ANO6: variants seen among roughly 807,000 people sequenced by gnomAD.
The protein encoded by ANO6 is anoctamin 6, also known as anoctamin-6.
Under a neutral mutation model 117.5 loss-of-function variants are expected in ANO6, and 106 were observed. That is an observed-to-expected ratio of 0.90 (90% confidence interval 0.77 to 1.06). The LOEUF is 1.06. ANO6 is among the 50% of genes least tolerant of loss of function. The pLI is 0.00. For synonymous variants in ANO6, 367 were observed against 385.1 expected, an observed-to-expected ratio of 0.95 and a Z score of 0.55; for missense variants, 955 against 1,121.1, an observed-to-expected ratio of 0.85 and a Z score of 2.12.
intron 2 of ANO6, among the ~76,000 whole-genome samples, chr12:45,330,974 A>T (rs753311414): frequency 6.6e-6 from 1 of 151,812 alleles, no homozygotes; most frequent in African/African-American, 2.4e-5. Flanking sequence ...TTTTTTTACT[A>T]TGTTCGTTTT....
chr12:45,393,025 A>C (rs959271728), intron 12 of ANO6, among the ~76,000 whole-genome samples: 1 of 152,210 alleles, frequency 6.6e-6, no homozygotes, highest in Non-Finnish European at 1.5e-5. Context: ...AGGCTTCAGA[A>C]GGTCGGTAAT....
chr12:45,348,148 T>C lies in ANO6; in HGVS notation c.466T>C (p.Ser156Pro), dbSNP rs1431886586. ...LKPNDLKNRS[S>P]AFGTLNWFTK... ...ACCCAATGATCTGAAAAACCGGTCCTCAGCCTTTGGTACACTCAACTGGTT... is the reference window on the plus strand; with the variant it reads ...ACCCAATGATCTGAAAAACCGGTCCCCAGCCTTTGGTACACTCAACTGGTT... Residue 156 changes from serine (S) to proline (P), a missense_variant, in exon 5 of 20, where the codon TCA becomes CCA. Coordinates refer to ENST00000320560, the MANE Select transcript of ANO6 (RefSeq NM_001025356.3). 3 of 1,614,146 alleles carry C rather than the reference T, an allele frequency of 1.9e-6. No homozygotes were observed. Among genetic ancestry groups the C allele is most frequent in the Non-Finnish European group, 2.5e-6 (3 of 1,180,002 alleles).
chr12:45,348,492 C>T, intron 5 of ANO6, 26 bp from the exon 6 acceptor site: 1 of 1,581,454 alleles, frequency 6.3e-7, no homozygotes, highest in Non-Finnish European at 8.7e-7. Context: ...ATATAAACCG[C>T]ATACTCTATT....
chr12:45,433,485 G>T (rs1047324313), downstream of ANO6, among the ~76,000 whole-genome samples: 4 of 152,188 alleles, frequency 2.6e-5, no homozygotes, highest in African/African-American at 9.7e-5. Flanking sequence ...CATGATGACA[G>T]ATAAATCCTG....
At position 45,357,319 on chromosome 12, in the gene ANO6, A is replaced by G. The variant is rs569930058; in HGVS notation, c.893A>G (p.Tyr298Cys). 1 of 1,614,010 alleles carries G rather than the reference A, an allele frequency of 6.2e-7. No individual in the cohort carries two copies. ...TACTATGGAGAGAAGATTGGAATCTACTTTGCTTGGCTGGGCTATTACACT... is the reference window on the plus strand; with the variant it reads ...TACTATGGAGAGAAGATTGGAATCTGCTTTGCTTGGCTGGGCTATTACACT... Reference protein sequence around the residue: ...RKYYGEKIGIYFAWLGYYTQM... With the variant: ...RKYYGEKIGICFAWLGYYTQM... Residue 298 changes from tyrosine (Y) to cysteine (C), a missense_variant, in exon 8 of 20, where the codon TAC becomes TGC. Tyr to Cys is a radical substitution (Grantham distance 194). Coordinates refer to ENST00000320560, the MANE Select transcript of ANO6 (RefSeq NM_001025356.3).
At chr12:45,355,348 A>C (rs993514013) in intron 7 of ANO6, among the ~76,000 whole-genome samples, 1 of 152,122 alleles carries the variant, frequency 6.6e-6, no homozygotes, top group South Asian at 2.1e-4. Flanking sequence ...CCTTGCCTAC[A>C]ATGTAACAGG....
intron 12 of ANO6, among the ~76,000 whole-genome samples, chr12:45,396,816 C>A (rs1942627853): frequency 6.6e-6 from 1 of 152,192 alleles, no homozygotes; most frequent in Non-Finnish European, 1.5e-5. Flanking sequence ...CTTCCTTACA[C>A]CTTGTACAAA....
At chr12:45,424,751 G>T (rs1477596607) in intron 19 of ANO6, among the ~76,000 whole-genome samples, 1 of 152,158 alleles carries the variant, frequency 6.6e-6, no homozygotes, top group Non-Finnish European at 1.5e-5. Context: ...AGGAGACCAT[G>T]CCTTGGGTCA....
chr12:45,418,869 T>G (rs1323903225), intron 17 of ANO6, among the ~76,000 whole-genome samples: 1 of 152,230 alleles, frequency 6.6e-6, no homozygotes, highest in Non-Finnish European at 1.5e-5. Flanking sequence ...GGGCAATCCC[T>G]TTTTCCATAT....
At chr12:45,296,818 A>T (rs1384656338) in intron 1 of ANO6, among the ~76,000 whole-genome samples, 1 of 152,222 alleles carries the variant, frequency 6.6e-6, no homozygotes, top group Non-Finnish European at 1.5e-5. Flanking sequence ...ACGAGGGACA[A>T]AAATAGGATT....
At chr12:45,380,391 T>C (rs55708540) in intron 10 of ANO6, among the ~76,000 whole-genome samples, 4,926 of 152,290 alleles carry the variant, frequency 0.032, 248 homozygotes, top group African/African-American at 0.11. Context: ...GGCCTACTTA[T>C]TTCCAGAAAA....
chr12:45,374,011 T>C (rs1264169140), intron 9 of ANO6, among the ~76,000 whole-genome samples: 1 of 151,748 alleles, frequency 6.6e-6, no homozygotes, highest in Admixed American at 6.6e-5. Flanking sequence ...TAAAAAATGA[T>C]AAAGGGGATA....
intron 1 of ANO6, chr12:45,228,291 CTTTTTTTTT>C: frequency 6.0e-6 from 1 of 166,830 alleles, no homozygotes; most frequent in Non-Finnish European, 1.1e-5. Flanking sequence ...CCAGGCCCTC[CTTTTTTTTT>C]TTTTTTTTTT....
intron 2 of ANO6, among the ~76,000 whole-genome samples, chr12:45,303,512 C>T (rs535985594): frequency 8.5e-5 from 13 of 152,214 alleles, no homozygotes; most frequent in African/African-American, 2.9e-4. Context: ...GGTGTTGGTG[C>T]GCCTGGTAAA....
intron 1 of ANO6, among the ~76,000 whole-genome samples, chr12:45,218,553 C>G (rs1005215870): frequency 2.6e-5 from 4 of 151,952 alleles, no homozygotes; most frequent in African/African-American, 9.7e-5. Flanking sequence ...ACCATATCCA[C>G]CTAGTTGGTT....
rs761009669 is a variant in ANO6, at chr12:45,429,357, A to G, written c.*46A>G. Reference sequence around the variant, plus strand: ...CACTTTAAGGAATTTAGCTTTGTCAAAATATATTAGGAATCACTAATGAGA... The same window carrying G: ...CACTTTAAGGAATTTAGCTTTGTCAGAATATATTAGGAATCACTAATGAGA... On this transcript the variant is annotated 3_prime_UTR_variant, in exon 20 of 20. Coordinates refer to ENST00000320560, the MANE Select transcript of ANO6 (RefSeq NM_001025356.3). The G allele has an allele frequency of 7.5e-6, 12 of 1,595,342 alleles. No homozygotes were observed. The African/African-American group carries it at 1.5e-4, about 20-fold the overall frequency.
chr12:45,225,851 C>T (rs1947474654), intron 1 of ANO6, among the ~76,000 whole-genome samples: 1 of 152,166 alleles, frequency 6.6e-6, no homozygotes, highest in African/African-American at 2.4e-5. Flanking sequence ...AGGGCTGGGT[C>T]TGTGCAAGAG....
intron 1 of ANO6, among the ~76,000 whole-genome samples, chr12:45,235,426 C>T (rs899642264): frequency 6.6e-6 from 1 of 152,196 alleles, no homozygotes; most frequent in African/African-American, 2.4e-5. Context: ...TTAACTTCAG[C>T]TTGGCACGTA....
intron 2 of ANO6, among the ~76,000 whole-genome samples, chr12:45,317,277 C>A (rs1409178012): frequency 3.4e-5 from 3 of 88,524 alleles, no homozygotes; most frequent in African/African-American, 7.4e-5. Context: ...CCCCCTCCCC[C>A]CACCCCACAA....
Sources: allele counts gnomAD v4.1 joint callset (sites outside exome capture counted in the v4.1 genomes callset), GRCh38; gene constraint gnomAD v4.1.1; transcripts MANE v1.5; gene names NCBI Gene and HGNC (gene_info 2026-07-23, HGNC 2026-07-21).